AGO1: variants seen among roughly 807,000 people sequenced by gnomAD.
AGO1 encodes argonaute RISC component 1, also known as protein argonaute-1.
A neutral mutation model predicts 109.2 loss-of-function variants in AGO1; 11 were observed. The observed-to-expected ratio is 0.10, with a 90% CI of 0.06 to 0.17. The LOEUF is 0.17. Among genes scored for constraint, AGO1 ranks in the 10% least tolerant of loss-of-function variants. AGO1 has a pLI of 1.00. For missense variants in AGO1, 574 were observed against 1,140.3 expected (o/e 0.50, Z 7.15); for synonymous variants, 422 against 418.6 (o/e 1.01, Z -0.10).
Position 35,902,009 on chromosome 1 carries a change from A to G in AGO1, c.1202A>G (p.Asp401Gly). ...CAGGAATTTGGGATCAAAGTGAAGG[A>G]TGACATGACGGAGGTGACAGGGCGA... ...YIQEFGIKVK[D>G]DMTEVTGRVL... The change falls in exon 10 of 19, where the codon GAT becomes GGT. Residue 401 changes from aspartate (D) to glycine (G), a missense_variant. By Grantham distance (94) the Asp-to-Gly change is moderately conservative (BLOSUM62 -1). Transcript: ENST00000373204. 1 of 1,611,912 alleles carries G rather than the reference A, an allele frequency of 6.2e-7. No homozygotes were observed. Among genetic ancestry groups the G allele is most frequent in the Non-Finnish European group, 8.5e-7 (1 of 1,179,072 alleles).
rs1645904691 is a variant in AGO1 at position 35,925,204 on chromosome 1, T to G, written c.*5597T>G. On this transcript the variant is annotated 3_prime_UTR_variant, in exon 19 of 19. Transcript: ENST00000373204. ...CTGCAGAGAGGGAGTTCTTTTTTTT[T>G]CTGTGTGTTTTACCTTTCTACTCCC... The G allele has an allele frequency of 6.6e-6, 1 of 151,650 alleles. No homozygotes were observed. Among genetic ancestry groups the G allele is most frequent in the Non-Finnish European group, 1.5e-5 (1 of 67,938 alleles). 9.4% of individuals were successfully genotyped at this position (151,650 alleles called of 1,614,324 possible).
chr1:35,887,218 C>T (rs1388114446), intron 1 of AGO1, among the ~76,000 whole-genome samples: 1 of 152,112 alleles, frequency 6.6e-6, no homozygotes, highest in Non-Finnish European at 1.5e-5. Context: ...ATGGTTCTGA[C>T]CTCTTCCTGA....
At position 35,883,589 on chromosome 1, in the gene AGO1, G is replaced by C. The variant is rs1184744409; in HGVS notation, c.25+143G>C. On this transcript the variant is annotated intron_variant, in intron 1 of 18. Transcript: ENST00000373204. The surrounding 1 kb of genome is among the most constrained non-coding windows in gnomAD (Gnocchi z 5.4). ...ATGGGGGCCCAGTTTGAAGGAGGCT[G>C]TGTGCAGTTCCGGGGGAGAACCATG... 7.7e-7 allele frequency: 1 copy of C among 1,293,354 alleles called. No homozygotes were observed. The highest frequency in any genetic ancestry group is 1.0e-6 in the Non-Finnish European group (1 of 986,852). The allele number at this position is 1,293,354 out of a possible 1,614,324, so 80.1% of individuals were successfully genotyped here.
At chr1:35,905,365 A>G (rs554639752) in intron 11 of AGO1, among the ~76,000 whole-genome samples, 1 of 152,320 alleles carries the variant, frequency 6.6e-6, no homozygotes, top group African/African-American at 2.4e-5. Context: ...AAGATAATAA[A>G]TGTAGAGAAT....
At position 35,918,323 on chromosome 1, in the gene AGO1, T is replaced by C. The variant is rs1439738572; in HGVS notation, c.2165T>C (p.Ile722Thr). 1.2e-6 allele frequency: 2 copies of C among 1,612,738 alleles called. No homozygotes were observed. The highest frequency in any genetic ancestry group is 1.1e-5 in the South Asian group (1 of 91,032). ...RLFCADKNER[I>T]GKSGNIPAGT... ...TTGGTTGTGTTTGTCTCTATACAGATTGGGAAGAGTGGTAACATCCCAGCT... is the reference window on the plus strand; with the variant it reads ...TTGGTTGTGTTTGTCTCTATACAGACTGGGAAGAGTGGTAACATCCCAGCT... The change falls in exon 17 of 19, where the codon ATT becomes ACT. Residue 722 changes from isoleucine to threonine, a missense_variant and splice_region_variant. Ile to Thr is a moderately conservative substitution (Grantham distance 89). Around this residue, in one of 8 missense-constraint regions of AGO1, gnomAD observed 62 missense variants for 192.0 expected, o/e 0.32. Coordinates refer to ENST00000373204, the MANE Select transcript of AGO1 (RefSeq NM_012199.5).
chr1:35,904,327 G>A (rs778646827), intron 11 of AGO1, among the ~76,000 whole-genome samples: 6 of 151,894 alleles, frequency 4.0e-5, no homozygotes, highest in African/African-American at 9.7e-5. Context: ...GGATGGTCTC[G>A]ATCTCCTGAC....
chr1:35,904,656 G>T (rs72661615), intron 11 of AGO1, among the ~76,000 whole-genome samples: 4,399 of 152,296 alleles, frequency 0.029, 99 homozygotes, highest in Admixed American at 0.05. Flanking sequence ...CTAGTTGTAA[G>T]GGGTAAGAAT....
intron 1 of AGO1, among the ~76,000 whole-genome samples, chr1:35,874,274 C>A (rs554491346): frequency 1.3e-5 from 2 of 152,248 alleles, no homozygotes; most frequent in East Asian, 3.9e-4. Context: ...CTCAATCGAT[C>A]CTCCCACCTC....
chr1:35,898,728 C>T (rs1557610361), intron 8 of AGO1, among the ~76,000 whole-genome samples: 1 of 152,124 alleles, frequency 6.6e-6, no homozygotes, highest in Admixed American at 6.6e-5. Flanking sequence ...GATTATTGTT[C>T]TAGTTTCTAG....
chr1:35,896,277 G>C (rs1156909114), intron 8 of AGO1, among the ~76,000 whole-genome samples: 1 of 151,968 alleles, frequency 6.6e-6, no homozygotes, highest in Non-Finnish European at 1.5e-5. Flanking sequence ...GGGATTACAG[G>C]TGTGAGCCAC....
exon 1 of AGO1, chr1:35,869,875 C>G (rs759056711): frequency 6.6e-6 from 1 of 152,104 alleles, no homozygotes; most frequent in East Asian, 1.9e-4. Flanking sequence ...CCTGAGGACA[C>G]AGGGGAAGAA....
At chr1:35,872,062 T>TC (rs773353203) in intron 1 of AGO1, among the ~76,000 whole-genome samples, 85 of 135,784 alleles carry the variant, frequency 6.3e-4, no homozygotes, top group Non-Finnish European at 1.3e-3. Flanking sequence ...AGAGCGAGAC[T>TC]CCATCTCAGA....
chr1:35,883,729 T>C lies in AGO1; in HGVS notation c.25+283T>C, dbSNP rs1018701928. On this transcript the variant is annotated intron_variant, in intron 1 of 18. Coordinates refer to ENST00000373204, the MANE Select transcript of AGO1 (RefSeq NM_012199.5). The surrounding 1 kb of genome is among the most constrained non-coding windows in gnomAD (Gnocchi z 5.4). ...GCACGGAAGGACTCCCAGACATCCG[T>C]GGAGGCCTACGGAGAGGCCCGGCAG... 6.6e-6 allele frequency among the ~76,000 whole-genome samples: 1 copy of C among 152,144 alleles called. No homozygotes were observed. The highest frequency in any genetic ancestry group is 1.5e-5 in the Non-Finnish European group (1 of 68,020).
At chr1:35,898,655 G>A (rs1222199142) in intron 8 of AGO1, among the ~76,000 whole-genome samples, 2 of 152,140 alleles carry the variant, frequency 1.3e-5, no homozygotes, top group African/African-American at 2.4e-5. Context: ...TTCTGGCCAG[G>A]TAGGATTTTA....
chr1:35,909,747 C>T (rs916399858), intron 12 of AGO1, among the ~76,000 whole-genome samples: 1 of 152,132 alleles, frequency 6.6e-6, no homozygotes, highest in Non-Finnish European at 1.5e-5. Flanking sequence ...TCTATATACA[C>T]ACCTAAGGTA....
chr1:35,902,462 C>A, intron 11 of AGO1, 125 bp downstream of exon 11: 2 of 1,257,018 alleles, frequency 1.6e-6, no homozygotes, highest in South Asian at 2.3e-5. Context: ...CTGCATTGTG[C>A]TTTCTGGCTC....
At chr1:35,887,270 CTG>C (rs1645136264) in intron 1 of AGO1, among the ~76,000 whole-genome samples, 2 of 152,170 alleles carry the variant, frequency 1.3e-5, no homozygotes, top group Admixed American at 1.3e-4. Flanking sequence ...GCTTGTCTGA[CTG>C]TGAAAGCAGA....
chr1:35,926,257 A>T lies in AGO1; in HGVS notation c.*6650A>T, dbSNP rs942092258. 6.6e-6 allele frequency: 1 copy of T among 152,168 alleles called. No homozygotes were observed. The highest frequency in any genetic ancestry group is 1.9e-4 in the East Asian group (1 of 5,204). 9.4% of individuals were successfully genotyped at this position (152,168 alleles called of 1,614,324 possible). A position where few individuals can be genotyped will look rare whatever the true frequency, so the allele number is the denominator to read the frequency against. ...CAGGATTTGCCTGTGGTTGCTACTC[A>T]AGTTAAAAAGACTGGGAGCCTGCAT... On this transcript the variant is annotated 3_prime_UTR_variant, in exon 19 of 19. Coordinates refer to ENST00000373204, the MANE Select transcript of AGO1 (RefSeq NM_012199.5).
intron 12 of AGO1, among the ~76,000 whole-genome samples, chr1:35,907,994 C>T (rs1167974798): frequency 2.6e-5 from 4 of 152,164 alleles, no homozygotes; most frequent in Admixed American, 6.5e-5. Context: ...ATCTTGTGCA[C>T]CTGTGGTCCC....
Sources: gnomAD v4.1 joint callset for allele counts (sites outside exome capture counted in the v4.1 genomes callset) on GRCh38, gnomAD v4.1.1 for gene constraint, gnomAD v4.1.1 regional missense constraint, Gnocchi (gnomAD v3.1) non-coding constraint, MANE v1.5 for transcripts, NCBI Gene and HGNC (gene_info 2026-07-23, HGNC 2026-07-21) for gene names.